TBX5: variants seen among roughly 807,000 people sequenced by gnomAD.
The protein encoded by TBX5 is T-box transcription factor 5, also known as T-box transcription factor TBX5.
TBX5 carries 8 observed loss-of-function variants against 51.1 expected under a neutral mutation model. The observed-to-expected ratio is 0.16, with a 90% confidence interval of 0.09 to 0.28. The LOEUF (loss-of-function observed/expected upper bound fraction) is 0.28. Among genes scored for constraint, TBX5 ranks in the 10% least tolerant of loss-of-function variants. The pLI, the probability that TBX5 is intolerant of heterozygous loss-of-function variation, is 1.00. For synonymous variants in TBX5, 302 were observed against 266.4 expected (o/e 1.13, Z -1.30); for missense variants, 589 against 671.7 (o/e 0.88, Z 1.36).
chr12:114,365,547 T>A (rs979252693), intron 8 of TBX5, among the ~76,000 whole-genome samples: 3 of 151,670 alleles, frequency 2.0e-5, no homozygotes, highest in African/African-American at 4.8e-5. Context: ...TTAAAAAAAA[T>A]TTTGGGTGTG....
upstream of TBX5, chr12:114,408,295 A>G (rs559798206): frequency 1.3e-4 from 113 of 844,274 alleles, no homozygotes; most frequent in South Asian, 2.2e-4. Flanking sequence ...GGTGATGAAC[A>G]TAAGACACAA....
chr12:114,408,387 C>T (rs1872361302), upstream of TBX5: 3 of 187,090 alleles, frequency 1.6e-5, no homozygotes, highest in Non-Finnish European at 3.0e-5. Flanking sequence ...CCTCAGACCT[C>T]TATTGGAAGG....
intron 8 of TBX5, among the ~76,000 whole-genome samples, chr12:114,361,982 A>G (rs1869266309): frequency 2.0e-5 from 3 of 152,048 alleles, no homozygotes; most frequent in South Asian, 2.1e-4. Context: ...GCCTCAGTAT[A>G]CATCTCAAGC....
chr12:114,354,931 C>T lies in TBX5; in HGVS notation c.*601G>A, dbSNP rs116382074. Reference sequence around the variant, plus strand: ...ATACAGAGGCTTTTCAGAAACATCACATGGCAGAGGTAGGTGCTTTTCTTA... The same window carrying T: ...ATACAGAGGCTTTTCAGAAACATCATATGGCAGAGGTAGGTGCTTTTCTTA... On this transcript the variant is annotated 3_prime_UTR_variant, in exon 9 of 9. Coordinates refer to ENST00000405440, the MANE Select transcript of TBX5 (RefSeq NM_181486.4). 2,185 of 160,698 alleles carry T rather than the reference C, an allele frequency of 0.014. 45 individuals are homozygous for T. The highest frequency in any genetic ancestry group is 0.05 in the African/African-American group (2,065 of 41,548). 10.0% of individuals were successfully genotyped at this position (160,698 alleles called of 1,614,324 possible).
rs56105735 is a variant in TBX5, at chr12:114,370,288, G to GAAAAGAAAAGAAAAGAAAAGAAAAC, written c.756-3898_756-3897insGTTTTCTTTTCTTTTCTTTTCTTTT. Among the ~76,000 whole-genome samples the GAAAAGAAAAGAAAAGAAAAGAAAAC allele has an allele frequency of 1.2e-3, 67 of 56,754 alleles. 2 individuals are homozygous for GAAAAGAAAAGAAAAGAAAAGAAAAC. Among genetic ancestry groups the GAAAAGAAAAGAAAAGAAAAGAAAAC allele is most frequent in the African/African-American group, 3.4e-3 (63 of 18,418 alleles). The allele number at this position is 56,754 out of a possible 152,430, so 37.2% of individuals were successfully genotyped here. A position where few individuals can be genotyped will look rare whatever the true frequency, so the allele number is the denominator to read the frequency against. On this transcript the variant is annotated intron_variant, in intron 7 of 8. Coordinates refer to ENST00000405440, the MANE Select transcript of TBX5 (RefSeq NM_181486.4). ...GAAAAGAAAAGAAAAGAAAAGAAAA[G>GAAAAGAAAAGAAAAGAAAAGAAAAC]AAAGAAAAGAAAAGAAAAGAAAAGA...
Position 114,355,637 on chromosome 12 carries a change from G to C in TBX5, c.1452C>G (p.Pro484=). The stretch of plus-strand genomic sequence containing the variant: ...CGCCATGAGAGTAGAGGAACTCAGG[G>C]GGCTGAAGGGTGCCAGGGGACTGCA... ...TGLQSPGTLQ[P]PEFLYSHGVP... The change falls in exon 9 of 9, where the codon CCC becomes CCG. Residue 484 remains proline, a synonymous_variant. Coordinates refer to ENST00000405440, the MANE Select transcript of TBX5 (RefSeq NM_181486.4). The C allele has an allele frequency of 1.2e-6, 2 of 1,614,182 alleles. No homozygotes were observed. The highest frequency in any genetic ancestry group is 1.7e-6 in the Non-Finnish European group (2 of 1,180,040).
upstream of TBX5, chr12:114,408,128 C>A (rs1872343398): frequency 2.0e-6 from 2 of 985,298 alleles, no homozygotes; most frequent in Admixed American, 6.1e-5. Flanking sequence ...AACCGGCCCG[C>A]GCGCTGTCAC....
chr12:114,392,379 C>A (rs1348814924), intron 6 of TBX5, among the ~76,000 whole-genome samples: 1 of 152,058 alleles, frequency 6.6e-6, no homozygotes, highest in Non-Finnish European at 1.5e-5. Flanking sequence ...ATCTAGTTGT[C>A]TGTTTCAAAT....
intron 7 of TBX5, among the ~76,000 whole-genome samples, chr12:114,379,453 CT>C (rs1010790936): frequency 1.3e-5 from 2 of 152,168 alleles, no homozygotes; most frequent in African/African-American, 4.8e-5. Flanking sequence ...AGGTGAGCCA[CT>C]TTGGCTGGCC....
chr12:114,395,421 C>T (rs1377532387), intron 5 of TBX5, among the ~76,000 whole-genome samples: 1 of 152,176 alleles, frequency 6.6e-6, no homozygotes, highest in Non-Finnish European at 1.5e-5. Context: ...CTCTGCACAG[C>T]CTTTTTCTGA....
At chr12:114,385,140 T>C (rs1455209597) in intron 7 of TBX5, among the ~76,000 whole-genome samples, 22 of 149,916 alleles carry the variant, frequency 1.5e-4, no homozygotes, top group Admixed American at 1.3e-3. Flanking sequence ...CTGTGACTTA[T>C]GGGAAGAAAA....
chr12:114,374,282 G>C (rs1870076768), intron 7 of TBX5, among the ~76,000 whole-genome samples: 1 of 152,164 alleles, frequency 6.6e-6, no homozygotes, highest in Admixed American at 6.6e-5. Context: ...GTGATTGGGG[G>C]ACACGGCTTA....
At chr12:114,403,713 G>C in intron 2 of TBX5, 39 bp downstream of exon 2, 1 of 1,606,110 alleles carries the variant, frequency 6.2e-7, no homozygotes. Context: ...CTCTGACTTT[G>C]ATCTCTGCAA....
At chr12:114,377,254 C>T (rs1003626383) in intron 7 of TBX5, among the ~76,000 whole-genome samples, 1 of 152,118 alleles carries the variant, frequency 6.6e-6, no homozygotes, top group Admixed American at 6.5e-5. Flanking sequence ...AGTGCTAAGC[C>T]TTCAGTTTGA....
chr12:114,385,997 G>C (rs1454778132), intron 6 of TBX5, among the ~76,000 whole-genome samples: 5 of 152,144 alleles, frequency 3.3e-5, no homozygotes, highest in Non-Finnish European at 4.4e-5. Context: ...ACCCCATCGT[G>C]TGTTTCTGCA....
intron 6 of TBX5, among the ~76,000 whole-genome samples, chr12:114,392,592 A>G (rs924037154): frequency 1.3e-5 from 2 of 152,120 alleles, no homozygotes; most frequent in Admixed American, 1.3e-4. Context: ...ACCCTTTCCT[A>G]TCCTCCTGTA....
upstream of TBX5, chr12:114,407,865 G>T (rs2136430638): frequency 1.0e-6 from 1 of 985,192 alleles, no homozygotes; most frequent in Non-Finnish European, 1.2e-6. Flanking sequence ...AGTGCGCCTC[G>T]CTGGAGAGCA....
chr12:114,400,698 C>CG (rs1195738564), intron 3 of TBX5, among the ~76,000 whole-genome samples: 6 of 152,150 alleles, frequency 3.9e-5, no homozygotes, highest in East Asian at 1.9e-4. Flanking sequence ...GGCTCAGGCT[C>CG]GGGGGGAAAG....
intron 7 of TBX5, among the ~76,000 whole-genome samples, chr12:114,378,752 T>G (rs1870346038): frequency 6.6e-6 from 1 of 152,128 alleles, no homozygotes; most frequent in Non-Finnish European, 1.5e-5. Context: ...TGCTCCCACC[T>G]CAGACTCCCA....
Sources: gnomAD v4.1 joint callset for allele counts (sites outside exome capture counted in the v4.1 genomes callset) on GRCh38, gnomAD v4.1.1 for gene constraint, MANE v1.5 for transcripts, NCBI Gene and HGNC (gene_info 2026-07-23, HGNC 2026-07-21) for gene names.